The following ELFN2 variants were observed in gnomAD, a reference collection of about 807,000 sequenced individuals.
ELFN2 encodes the protein protein phosphatase 1 regulatory subunit 29.
In ELFN2, 17 loss-of-function variants were observed where a neutral mutation model predicts 45.5. That is an observed-to-expected ratio of 0.37 (90% CI 0.26 to 0.56). The LOEUF (loss-of-function observed/expected upper bound fraction) is 0.56, where lower values mean the gene tolerates loss of function less well. Among genes scored for constraint, ELFN2 ranks in the 20% least tolerant of loss-of-function variants. The pLI, the probability that ELFN2 is intolerant of heterozygous loss-of-function variation, is 0.77. For missense variants in ELFN2, 922 were observed against 1,183.2 expected (o/e 0.78, Z 3.24); for synonymous variants, 550 against 551.5 (o/e 1.00, Z 0.04).
intron 1 of ELFN2, among the ~76,000 whole-genome samples, chr22:37,421,747 G>GT (rs1932810551): frequency 6.6e-6 from 1 of 152,196 alleles, no homozygotes; most frequent in Admixed American, 6.5e-5. Context: ...AAAGGAATTT[G>GT]TTTAATAAGT....
chr22:37,346,657 T>C (rs1254130913), intron 1 of ELFN2, among the ~76,000 whole-genome samples: 1 of 152,184 alleles, frequency 6.6e-6, no homozygotes, highest in Admixed American at 6.5e-5. Context: ...GGCTGGAAGC[T>C]AGGGGCCTGT....
chr22:37,422,249 C>T (rs1036758505), intron 1 of ELFN2, among the ~76,000 whole-genome samples: 2 of 151,444 alleles, frequency 1.3e-5, no homozygotes, highest in African/African-American at 2.4e-5. Context: ...CAGGAATGAA[C>T]GGAGGGGGCA....
chr22:37,347,270 C>T (rs867466800), intron 1 of ELFN2, among the ~76,000 whole-genome samples: 7 of 152,106 alleles, frequency 4.6e-5, no homozygotes, highest in African/African-American at 1.4e-4. Context: ...TGAGCCACCA[C>T]GCCTGGCCTC....
intron 2 of ELFN2, among the ~76,000 whole-genome samples, chr22:37,385,950 A>G (rs1259092019): frequency 6.6e-6 from 1 of 152,154 alleles, no homozygotes; most frequent in African/African-American, 2.4e-5. Flanking sequence ...TGGGTCACCA[A>G]TTCTACAGGA....
At chr22:37,409,354 T>C (rs1424780983) in intron 2 of ELFN2, among the ~76,000 whole-genome samples, 2 of 152,160 alleles carry the variant, frequency 1.3e-5, no homozygotes, top group Non-Finnish European at 2.9e-5. Flanking sequence ...ATGCAGCAGG[T>C]GGAGAACAGC....
chr22:37,351,803 A>G (rs376775755), intron 1 of ELFN2, among the ~76,000 whole-genome samples: 12 of 150,780 alleles, frequency 8.0e-5, no homozygotes, highest in African/African-American at 2.7e-4. Flanking sequence ...GTCACTCCTG[A>G]CCTGCTCTGG....
intron 1 of ELFN2, among the ~76,000 whole-genome samples, chr22:37,424,686 G>A (rs1045977849): frequency 5.3e-5 from 8 of 152,088 alleles, no homozygotes; most frequent in South Asian, 2.1e-4. Flanking sequence ...GCGGCGGGGG[G>A]GGGGATGGAA....
chr22:37,356,226 G>T (rs577579916), intron 1 of ELFN2, among the ~76,000 whole-genome samples: 1 of 152,122 alleles, frequency 6.6e-6, no homozygotes, highest in East Asian at 1.9e-4. Context: ...GCTGCTGGGC[G>T]CTTACCCACC....
At chr22:37,360,930 T>C (rs1167774198) in intron 1 of ELFN2, among the ~76,000 whole-genome samples, 2 of 152,146 alleles carry the variant, frequency 1.3e-5, no homozygotes, top group Admixed American at 6.5e-5. Flanking sequence ...TCTAGTGCTA[T>C]GTGATGGGTG....
At chr22:37,377,297 C>G (rs1342516726) in intron 2 of ELFN2, among the ~76,000 whole-genome samples, 1 of 152,218 alleles carries the variant, frequency 6.6e-6, no homozygotes, top group African/African-American at 2.4e-5. Context: ...AGCCCCCACC[C>G]TGTGCTCTCA....
At chr22:37,420,103 G>A (rs1277599076) in intron 1 of ELFN2, among the ~76,000 whole-genome samples, 1 of 152,146 alleles carries the variant, frequency 6.6e-6, no homozygotes, top group Admixed American at 6.5e-5. Context: ...GGGGACGGGG[G>A]CCTCGAAGAG....
intron 1 of ELFN2, among the ~76,000 whole-genome samples, chr22:37,343,714 C>A (rs1930619742): frequency 6.7e-6 from 1 of 150,024 alleles, no homozygotes; most frequent in Non-Finnish European, 1.5e-5. Context: ...CAGACCCACC[C>A]CCCCCGGACC....
intron 1 of ELFN2, among the ~76,000 whole-genome samples, chr22:37,358,266 C>A (rs1930997211): frequency 6.6e-6 from 1 of 152,178 alleles, no homozygotes; most frequent in Non-Finnish European, 1.5e-5. Context: ...CCCCCCCAGT[C>A]TCCAGGAAGT....
rs1931380396 is a variant in ELFN2 at position 37,371,961 on chromosome 22, A to G, written c.*1111T>C. 6.6e-6 allele frequency: 1 copy of G among 152,322 alleles called. No homozygotes were observed. Among genetic ancestry groups the G allele is most frequent in the South Asian group, 2.1e-4 (1 of 4,828 alleles). 9.4% of individuals were successfully genotyped at this position (152,322 alleles called of 1,614,324 possible). A position where few individuals can be genotyped will look rare whatever the true frequency, so the allele number is the denominator to read the frequency against. ...CTGAGATAGGAGCCGAGATCCCACG[A>G]TGGGGTCGGGCAGGTGGGGACACAG... is the stretch of plus-strand genomic sequence containing the variant. On this transcript the variant is annotated 3_prime_UTR_variant, in exon 3 of 3. Coordinates refer to ENST00000402918, the MANE Select transcript of ELFN2 (RefSeq NM_052906.5). This position sits in a 1 kb window ranked among gnomAD's most constrained non-coding sequence, Gnocchi z 6.4.
chr22:37,376,292 G>A (rs1931584982), intron 2 of ELFN2, among the ~76,000 whole-genome samples: 1 of 152,020 alleles, frequency 6.6e-6, no homozygotes, highest in Non-Finnish European at 1.5e-5. Flanking sequence ...GAGCACAGGT[G>A]CAGACACACA....
At chr22:37,351,322 T>C (rs1419664260) in intron 1 of ELFN2, among the ~76,000 whole-genome samples, 3 of 150,126 alleles carry the variant, frequency 2.0e-5, no homozygotes, top group Admixed American at 2.0e-4. Flanking sequence ...TCAATTAGAC[T>C]GGCTCTGGCA....
chr22:37,398,595 C>T (rs1932280075), intron 2 of ELFN2, among the ~76,000 whole-genome samples: 1 of 152,102 alleles, frequency 6.6e-6, no homozygotes, highest in African/African-American at 2.4e-5. Flanking sequence ...AGCGCACTCA[C>T]ATCGCCGCCC....
In ELFN2 at chr22:37,373,501, C is replaced by A; in HGVS notation, c.2034G>T (p.Pro678=). ...CCCCGCCGCTGCCCGCCGGCACCAG[C>A]GGGAGCCGGTCCAGCGGGCTGTTGA... is the stretch of plus-strand genomic sequence containing the variant. The part of the protein sequence containing the change: ...SPLNSPLDRL[P]LVPAGSGGGS... Residue 678 remains proline (P), a synonymous_variant, in exon 3 of 3, where the codon CCG becomes CCT. Transcript: ENST00000402918. The A allele has an allele frequency of 6.4e-7, 1 of 1,552,820 alleles. No homozygotes were observed. The highest frequency in any genetic ancestry group is 8.7e-7 in the Non-Finnish European group (1 of 1,150,990).
rs1009626009 is a variant in ELFN2, at chr22:37,369,456, C to T, written c.*3616G>A. On this transcript the variant is annotated 3_prime_UTR_variant, in exon 3 of 3. Transcript: ENST00000402918. ...CTCCCACAGGCCTCCTGCACTGCCT[C>T]AGGAGGGGAGCCCAGGTGAGGGATT... The T allele has an allele frequency of 2.6e-5, 4 of 152,216 alleles. No homozygotes were observed. The highest frequency in any genetic ancestry group is 4.4e-5 in the Non-Finnish European group (3 of 68,048). 9.4% of individuals were successfully genotyped at this position (152,216 alleles called of 1,614,324 possible). A position where few individuals can be genotyped will look rare whatever the true frequency, so the allele number is the denominator to read the frequency against.
Sources: allele counts gnomAD v4.1 joint callset (sites outside exome capture counted in the v4.1 genomes callset), GRCh38; gene constraint gnomAD v4.1.1; non-coding constraint Gnocchi (gnomAD v3.1); transcripts MANE v1.5; gene names NCBI Gene and HGNC (gene_info 2026-07-23, HGNC 2026-07-21).